Variants in PDE3B observed in about 807,000 individuals in gnomAD.
PDE3B encodes cGMP-inhibited 3',5'-cyclic phosphodiesterase 3B.
A neutral mutation model predicts 116.8 loss-of-function variants in PDE3B; 66 were observed. The observed-to-expected ratio is 0.56, with a 90% CI of 0.46 to 0.69. The LOEUF (loss-of-function observed/expected upper bound fraction) is 0.69. Among genes scored for constraint, PDE3B ranks in the 30% least tolerant of loss-of-function variants. The pLI is 0.00. For missense variants in PDE3B, 1,384 were observed against 1,368.1 expected (o/e 1.01, Z -0.18); for synonymous variants, 595 against 533.6 (o/e 1.12, Z -1.59).
At chr11:14,736,088 G>T (rs375967836) in intron 1 of PDE3B, among the ~76,000 whole-genome samples, 3 of 151,920 alleles carry the variant, frequency 2.0e-5, no homozygotes, top group African/African-American at 7.3e-5. Context: ...TCTCTTGCAA[G>T]GTAGAAGGCT....
the PDE3B span, chr11:14,885,739 T>A: frequency 5.0e-6 from 8 of 1,593,776 alleles, no homozygotes; most frequent in East Asian, 1.8e-4. Context: ...ATTTAAAATA[T>A]CTTAGTAAAT....
chr11:14,879,126 G>T, the PDE3B span: 7 of 1,612,956 alleles, frequency 4.3e-6, no homozygotes, highest in Non-Finnish European at 5.9e-6. Context: ...AGGGAAAAAG[G>T]AACCAAAGCT....
chr11:14,835,201 T>C, intron 11 of PDE3B, 106 bp downstream of exon 11: 2 of 673,486 alleles, frequency 3.0e-6, no homozygotes, highest in Non-Finnish European at 2.5e-6. Context: ...AGTAACCGTT[T>C]AGTACATACG....
chr11:14,891,963 G>A, the PDE3B span: 11 of 1,610,512 alleles, frequency 6.8e-6, no homozygotes, highest in African/African-American at 1.2e-4. Context: ...CCCTGCCCGG[G>A]GCCCGTCGGG....
intron 1 of PDE3B, among the ~76,000 whole-genome samples, chr11:14,679,326 T>C (rs1012954172): frequency 1.1e-4 from 16 of 152,182 alleles, no homozygotes; most frequent in African/African-American, 3.9e-4. Context: ...TTTTAGGCTC[T>C]TGAGCCCCTA....
At chr11:14,651,425 G>A (rs953059525) in intron 1 of PDE3B, among the ~76,000 whole-genome samples, 1 of 152,082 alleles carries the variant, frequency 6.6e-6, no homozygotes, top group African/African-American at 2.4e-5. Context: ...TTTTTTTGGG[G>A]CGATACAATT....
chr11:14,668,199 C>CT (rs942028322), intron 1 of PDE3B, among the ~76,000 whole-genome samples: 6 of 152,058 alleles, frequency 3.9e-5, no homozygotes, highest in African/African-American at 1.4e-4. Flanking sequence ...CATGACACAT[C>CT]TTTTTGTAAC....
chr11:14,892,168 G>T, the PDE3B span: 4 of 1,610,612 alleles, frequency 2.5e-6, no homozygotes, highest in Admixed American at 1.7e-5. Context: ...GCCGCCGAGC[G>T]CCGCCGCGCC....
At chr11:14,848,293 T>C (rs550921794) in intron 12 of PDE3B, among the ~76,000 whole-genome samples, 2,963 of 140,128 alleles carry the variant, frequency 0.021, 47 homozygotes, top group Non-Finnish European at 0.032. Flanking sequence ...CAACAACCCT[T>C]CATGCTAAAA....
downstream of PDE3B, among the ~76,000 whole-genome samples, chr11:14,876,685 G>T (rs181436019): frequency 1.3e-5 from 2 of 152,144 alleles, no homozygotes; most frequent in African/African-American, 4.8e-5. Flanking sequence ...TCCCAGAAAC[G>T]ATCTAAGCTT....
At chr11:14,781,685 C>T (rs1017813927) in intron 2 of PDE3B, among the ~76,000 whole-genome samples, 1 of 152,238 alleles carries the variant, frequency 6.6e-6, no homozygotes, top group East Asian at 1.9e-4. Context: ...CTATGTATGA[C>T]AAACCCACAG....
the PDE3B span, among the ~76,000 whole-genome samples, chr11:14,896,841 A>G: frequency 6.6e-6 from 1 of 152,374 alleles, no homozygotes; most frequent in African/African-American, 2.4e-5. Flanking sequence ...AATGATTTTC[A>G]TAAACATTCT....
the PDE3B span, chr11:14,891,854 G>T: frequency 7.1e-7 from 1 of 1,410,778 alleles, no homozygotes; most frequent in Non-Finnish European, 9.4e-7. Flanking sequence ...TCCCTCAAAG[G>T]GCAGCCGGCA....
chr11:14,680,199 G>A (rs763591466), intron 1 of PDE3B, among the ~76,000 whole-genome samples: 1 of 152,182 alleles, frequency 6.6e-6, no homozygotes, highest in Non-Finnish European at 1.5e-5. Flanking sequence ...AGGTCCTAAG[G>A]CCTAGTACTA....
At chr11:14,646,937 G>A (rs1410326491) in intron 1 of PDE3B, among the ~76,000 whole-genome samples, 2 of 152,054 alleles carry the variant, frequency 1.3e-5, no homozygotes, top group Non-Finnish European at 2.9e-5. Flanking sequence ...TAAAGTATAT[G>A]TGAATAGTTC....
At chr11:14,805,201 A>G (rs1419559300) in intron 5 of PDE3B, among the ~76,000 whole-genome samples, 2 of 152,186 alleles carry the variant, frequency 1.3e-5, no homozygotes, top group Non-Finnish European at 2.9e-5. Context: ...TGTATGAATC[A>G]AGCCTCCAAA....
intron 1 of PDE3B, among the ~76,000 whole-genome samples, chr11:14,708,310 T>G (rs117247884): frequency 0.013 from 2,050 of 152,204 alleles, 27 homozygotes; most frequent in South Asian, 0.035. Flanking sequence ...CCTCCCTAGA[T>G]GCAGATGTCC....
chr11:14,727,847 G>A (rs1253531875), intron 1 of PDE3B, among the ~76,000 whole-genome samples: 3 of 130,592 alleles, frequency 2.3e-5, no homozygotes, highest in Non-Finnish European at 5.4e-5. Flanking sequence ...TTCCTTGAGT[G>A]GTTTTACAAA....
chr11:14,650,793 GA>G (rs1853551700), intron 1 of PDE3B, among the ~76,000 whole-genome samples: 1 of 152,172 alleles, frequency 6.6e-6, no homozygotes, highest in South Asian at 2.1e-4. Flanking sequence ...AGGGGACCCT[GA>G]GCCAAGGAAA....
Sources: gnomAD v4.1 joint callset for allele counts (sites outside exome capture counted in the v4.1 genomes callset) on GRCh38, gnomAD v4.1.1 for gene constraint, MANE v1.5 for transcripts, NCBI Gene and HGNC (gene_info 2026-07-23, HGNC 2026-07-21) for gene names.